The following TBC1D22A variants were observed in gnomAD, a reference collection of about 807,000 sequenced individuals.
TBC1D22A encodes TBC1 domain family member 22A.
In TBC1D22A, 38 loss-of-function variants were observed where a neutral mutation model predicts 60.2. The observed-to-expected ratio is 0.63, with a 90% CI of 0.49 to 0.83. The LOEUF (loss-of-function observed/expected upper bound fraction) is 0.83, where lower values mean the gene tolerates loss of function less well. TBC1D22A is among the 40% of genes least tolerant of loss of function. TBC1D22A has a pLI of 0.00. For synonymous variants in TBC1D22A, 302 were observed against 281.7 expected, an observed-to-expected ratio of 1.07 and a Z score of -0.72; for missense variants, 628 against 701.0, an observed-to-expected ratio of 0.90 and a Z score of 1.18.
intron 4 of TBC1D22A, among the ~76,000 whole-genome samples, chr22:46,876,590 G>A (rs544193478): frequency 1.6e-4 from 25 of 152,216 alleles, no homozygotes; most frequent in Admixed American, 3.9e-4. Context: ...ATCTGACCCT[G>A]GTAGCTTTCA....
intron 10 of TBC1D22A, among the ~76,000 whole-genome samples, chr22:47,022,075 C>T (rs2062108015): frequency 6.6e-6 from 1 of 152,218 alleles, no homozygotes; most frequent in Non-Finnish European, 1.5e-5. Context: ...CACAGCCCCA[C>T]AGTTCATTTA....
At chr22:47,018,688 G>C (rs1476714912) in intron 10 of TBC1D22A, among the ~76,000 whole-genome samples, 2 of 152,124 alleles carry the variant, frequency 1.3e-5, no homozygotes, top group African/African-American at 4.8e-5. Flanking sequence ...TGGGACACTG[G>C]CTTGGTAGCA....
At chr22:47,140,498 G>A (rs2067040169) in intron 12 of TBC1D22A, among the ~76,000 whole-genome samples, 2 of 150,930 alleles carry the variant, frequency 1.3e-5, no homozygotes, top group Non-Finnish European at 2.9e-5. Context: ...GGCAGAACTT[G>A]CATTGAGATC....
intron 8 of TBC1D22A, among the ~76,000 whole-genome samples, chr22:46,949,846 G>C (rs530112783): frequency 6.6e-6 from 1 of 152,332 alleles, no homozygotes; most frequent in South Asian, 2.1e-4. Flanking sequence ...ATGCGCAAGG[G>C]CAGGCAAGTG....
At chr22:47,101,673 C>CACTGG (rs1196663097) in intron 11 of TBC1D22A, among the ~76,000 whole-genome samples, 9 of 152,164 alleles carry the variant, frequency 5.9e-5, no homozygotes, top group Non-Finnish European at 1.2e-4. Context: ...AACAGACCGG[C>CACTGG]GCCAGCAGGA....
At chr22:46,966,092 C>G (rs1400189090) in intron 8 of TBC1D22A, among the ~76,000 whole-genome samples, 1 of 152,196 alleles carries the variant, frequency 6.6e-6, no homozygotes, top group Non-Finnish European at 1.5e-5. Flanking sequence ...TCTCTGGGGC[C>G]TCCGCATCAC....
At chr22:47,085,926 G>A (rs978800820) in intron 11 of TBC1D22A, among the ~76,000 whole-genome samples, 7 of 152,214 alleles carry the variant, frequency 4.6e-5, no homozygotes, top group Admixed American at 1.3e-4. Flanking sequence ...CCACCCATAC[G>A]TACATGTGCA....
At chr22:46,904,096 AATCTATCTATCT>A (rs748640215) in intron 7 of TBC1D22A, among the ~76,000 whole-genome samples, 26 of 106,918 alleles carry the variant, frequency 2.4e-4, no homozygotes, top group South Asian at 8.6e-4. Flanking sequence ...ATCTAAATAA[AATCTATCTATCT>A]ATCTATCTAT....
intron 12 of TBC1D22A, among the ~76,000 whole-genome samples, chr22:47,148,882 G>T (rs891837965): frequency 7.9e-5 from 12 of 152,146 alleles, no homozygotes; most frequent in African/African-American, 2.7e-4. Context: ...CCACCTCCTG[G>T]CTGTGCTCCC....
chr22:46,916,935 A>G (rs917680602), intron 8 of TBC1D22A, among the ~76,000 whole-genome samples: 3 of 152,206 alleles, frequency 2.0e-5, no homozygotes, highest in South Asian at 4.1e-4. Flanking sequence ...CATAAATTTC[A>G]GAGGTTGAAG....
chr22:47,029,439 A>T (rs1470982157), intron 10 of TBC1D22A, among the ~76,000 whole-genome samples: 1 of 152,210 alleles, frequency 6.6e-6, no homozygotes, highest in Non-Finnish European at 1.5e-5. Context: ...GGTTCATTGC[A>T]TAGGCCAGAT....
chr22:47,042,988 T>A (rs1363342046), intron 11 of TBC1D22A, among the ~76,000 whole-genome samples: 3 of 152,194 alleles, frequency 2.0e-5, no homozygotes, highest in African/African-American at 7.2e-5. Context: ...CTGGGCACCT[T>A]GGGCCCCGAA....
chr22:46,982,024 A>G (rs2074533200), intron 9 of TBC1D22A, among the ~76,000 whole-genome samples: 1 of 152,172 alleles, frequency 6.6e-6, no homozygotes, highest in Admixed American at 6.5e-5. Flanking sequence ...AGAGCATTCT[A>G]GACTAAGCTG....
At chr22:46,854,046 C>T (rs191885143) in intron 4 of TBC1D22A, among the ~76,000 whole-genome samples, 72 of 152,262 alleles carry the variant, frequency 4.7e-4, no homozygotes, top group Admixed American at 3.9e-3. Flanking sequence ...ACTCTTTCTC[C>T]TTCACACCCA....
Position 46,797,629 on chromosome 22 carries a change from C to A in TBC1D22A, c.637+9C>A, listed in dbSNP as rs773124510. On this transcript the variant is annotated intron_variant, in intron 4 of 12. Coordinates refer to ENST00000337137, the MANE Select transcript of TBC1D22A (RefSeq NM_014346.5). ...CCCCAACACGGACCTTGGTAAGCAC[C>A]CTGCCCTCTGGAGGACACACACAGA... 6.3e-7 allele frequency: 1 copy of A among 1,594,838 alleles called. No individual in the cohort carries two copies. Among genetic ancestry groups the A allele is most frequent in the East Asian group, 2.3e-5 (1 of 44,050 alleles).
chr22:46,807,102 C>T (rs765043261), intron 4 of TBC1D22A, among the ~76,000 whole-genome samples: 5 of 152,126 alleles, frequency 3.3e-5, no homozygotes, highest in East Asian at 1.9e-4. Flanking sequence ...ACTTTACAGG[C>T]GAAGTTACAG....
intron 11 of TBC1D22A, among the ~76,000 whole-genome samples, chr22:47,076,076 T>G (rs1050780250): frequency 9.9e-5 from 15 of 152,126 alleles, no homozygotes; most frequent in Non-Finnish European, 2.2e-4. Context: ...AAGGACAGAT[T>G]GACAAATCTG....
At chr22:47,165,361 A>G (rs1328798239) in intron 12 of TBC1D22A, among the ~76,000 whole-genome samples, 1 of 152,168 alleles carries the variant, frequency 6.6e-6, no homozygotes, top group Non-Finnish European at 1.5e-5. Flanking sequence ...CATGATGAGC[A>G]CGAAACAACA....
In TBC1D22A at chr22:47,111,448, G is replaced by C. The variant is rs1352774808; in HGVS notation, c.1330-60G>C. On this transcript the variant is annotated intron_variant, in intron 11 of 12. Transcript: ENST00000337137. ...AACCCTGACTGTCGCAGATAACCTC[G>C]CAGTGATGTTAATGGGTCACGCGTT... 5 of 1,472,890 alleles carry C rather than the reference G, an allele frequency of 3.4e-6. No homozygotes were observed. The Admixed American group carries it at 7.0e-5, about 21-fold the overall frequency. The allele number at this position is 1,472,890 out of a possible 1,614,324, so 91.2% of individuals were successfully genotyped here. A position where few individuals can be genotyped will look rare whatever the true frequency, so the allele number is the denominator to read the frequency against.
Sources: gnomAD v4.1 joint callset for allele counts (sites outside exome capture counted in the v4.1 genomes callset) on GRCh38, gnomAD v4.1.1 for gene constraint, MANE v1.5 for transcripts, NCBI Gene and HGNC (gene_info 2026-07-23, HGNC 2026-07-21) for gene names.